The following TBX15 variants were observed in gnomAD, a reference collection of about 807,000 sequenced individuals.
The protein encoded by TBX15 is T-box transcription factor 15.
In TBX15, 18 loss-of-function variants were observed where a neutral mutation model predicts 53.9. That is an observed-to-expected ratio of 0.33 (90% CI 0.23 to 0.49). The LOEUF (loss-of-function observed/expected upper bound fraction) is 0.49. TBX15 is among the 20% of genes least tolerant of loss of function. The probability of loss-of-function intolerance (pLI) is 0.98; values close to 1 mark genes in which losing one functional copy is unlikely to be tolerated. For missense variants in TBX15, 692 were observed against 749.5 expected (o/e 0.92, Z 0.90); for synonymous variants, 295 against 278.0 (o/e 1.06, Z -0.61).
intron 1 of TBX15, among the ~76,000 whole-genome samples, chr1:118,964,826 C>T (rs1326684793): frequency 6.6e-6 from 1 of 152,130 alleles, no homozygotes; most frequent in Non-Finnish European, 1.5e-5. Flanking sequence ...TGGTTTGGGT[C>T]CCCCTCCAGG....
At chr1:118,929,913 T>C (rs780672624) in intron 2 of TBX15, among the ~76,000 whole-genome samples, 22 of 152,124 alleles carry the variant, frequency 1.4e-4, no homozygotes, top group Non-Finnish European at 2.5e-4. Context: ...CCAAAAACTT[T>C]AAAAAAATTT....
At chr1:118,921,273 C>T (rs535332486) in intron 5 of TBX15, among the ~76,000 whole-genome samples, 1 of 152,102 alleles carries the variant, frequency 6.6e-6, no homozygotes, top group Non-Finnish European at 1.5e-5. Flanking sequence ...TACAAAACAC[C>T]ATGTTCATAC....
chr1:118,969,710 T>C (rs1441030712), intron 1 of TBX15, among the ~76,000 whole-genome samples: 1 of 152,244 alleles, frequency 6.6e-6, no homozygotes, highest in Non-Finnish European at 1.5e-5. Flanking sequence ...AACCCACAAA[T>C]GTATCTTGAA....
intron 1 of TBX15, among the ~76,000 whole-genome samples, chr1:118,932,950 T>A (rs946208): frequency 0.2 from 31,148 of 152,006 alleles, 3,965 homozygotes; most frequent in East Asian, 0.54. Flanking sequence ...TGGAGTTAAA[T>A]ATATTCATGA....
At chr1:118,926,024 A>G (rs1056488214) in intron 3 of TBX15, among the ~76,000 whole-genome samples, 6 of 152,158 alleles carry the variant, frequency 3.9e-5, no homozygotes, top group Admixed American at 1.3e-4. Context: ...AACCCATATC[A>G]ATGAATAATA....
At chr1:118,885,926 A>C (rs1369386519) in intron 7 of TBX15, among the ~76,000 whole-genome samples, 1 of 152,182 alleles carries the variant, frequency 6.6e-6, no homozygotes, top group Admixed American at 6.5e-5. Flanking sequence ...TCCCATTCTT[A>C]ATGGAAATGC....
At chr1:118,952,453 T>C (rs1656546500) in intron 1 of TBX15, among the ~76,000 whole-genome samples, 1 of 152,204 alleles carries the variant, frequency 6.6e-6, no homozygotes, top group Non-Finnish European at 1.5e-5. Context: ...ACCAACCATG[T>C]CTTTAGATTC....
intron 1 of TBX15, among the ~76,000 whole-genome samples, chr1:118,984,440 TCCG>T (rs1557910685): frequency 6.6e-6 from 1 of 152,226 alleles, no homozygotes; most frequent in Non-Finnish European, 1.5e-5. Flanking sequence ...AGCTGAGGAC[TCCG>T]GGTGGAGCAG....
chr1:118,986,458 G>A (rs995717972), intron 1 of TBX15, among the ~76,000 whole-genome samples: 1 of 152,168 alleles, frequency 6.6e-6, no homozygotes, highest in Non-Finnish European at 1.5e-5. Flanking sequence ...CAGGTCACCC[G>A]CTAATCGCAT....
intron 7 of TBX15, among the ~76,000 whole-genome samples, chr1:118,890,478 C>T (rs899530380): frequency 6.6e-6 from 1 of 152,140 alleles, no homozygotes; most frequent in Non-Finnish European, 1.5e-5. Context: ...CACCAGCTCC[C>T]TTCATCCTAT....
At chr1:118,967,375 A>T (rs1321963970) in intron 1 of TBX15, among the ~76,000 whole-genome samples, 1 of 152,254 alleles carries the variant, frequency 6.6e-6, no homozygotes, top group Non-Finnish European at 1.5e-5. Flanking sequence ...TAGAAATGCT[A>T]TATAAAAATC....
chr1:118,919,697 A>G (rs1055643487), intron 5 of TBX15, among the ~76,000 whole-genome samples: 4 of 152,206 alleles, frequency 2.6e-5, no homozygotes, highest in Non-Finnish European at 4.4e-5. Context: ...GTGCTATGCA[A>G]TATAGGTCAG....
chr1:118,901,024 T>C (rs1215029080), intron 6 of TBX15, among the ~76,000 whole-genome samples: 2 of 152,216 alleles, frequency 1.3e-5, no homozygotes, highest in African/African-American at 4.8e-5. Flanking sequence ...CAGTTCATAA[T>C]GAAGTGCTGG....
At chr1:118,942,914 G>A (rs1656233934) in intron 1 of TBX15, among the ~76,000 whole-genome samples, 1 of 152,190 alleles carries the variant, frequency 6.6e-6, no homozygotes, top group Non-Finnish European at 1.5e-5. Context: ...AATGACTGCT[G>A]TGCTCACCAG....
chr1:118,968,257 C>T (rs1657119814), intron 1 of TBX15, among the ~76,000 whole-genome samples: 1 of 152,162 alleles, frequency 6.6e-6, no homozygotes, highest in African/African-American at 2.4e-5. Context: ...CTCTGTCACC[C>T]AGGCTGGAGT....
chr1:118,908,906 C>G (rs567952540), intron 6 of TBX15, among the ~76,000 whole-genome samples: 1 of 143,560 alleles, frequency 7.0e-6, no homozygotes, highest in Non-Finnish European at 1.5e-5. Context: ...CTTACACATA[C>G]GCACACTCAA....
At chr1:118,985,250 C>T (rs377751848) in intron 1 of TBX15, among the ~76,000 whole-genome samples, 3 of 152,152 alleles carry the variant, frequency 2.0e-5, no homozygotes, top group Non-Finnish European at 2.9e-5. Flanking sequence ...TGAGGCTCAC[C>T]CGGGAAGAGA....
At chr1:118,890,988 A>G in intron 7 of TBX15, 1 of 1,276,716 alleles carries the variant, frequency 7.8e-7, no homozygotes, top group Non-Finnish European at 1.0e-6. Context: ...TAAAAGGTAA[A>G]ATATCAGCAC....
At chr1:118,905,801 A>T (rs1654798079) in intron 6 of TBX15, among the ~76,000 whole-genome samples, 1 of 152,228 alleles carries the variant, frequency 6.6e-6, no homozygotes, top group Non-Finnish European at 1.5e-5. Context: ...AAAGTGAGAT[A>T]GACACTTGAG....
Sources: gnomAD v4.1 joint callset for allele counts (sites outside exome capture counted in the v4.1 genomes callset) on GRCh38, gnomAD v4.1.1 for gene constraint, MANE v1.5 for transcripts, NCBI Gene and HGNC (gene_info 2026-07-23, HGNC 2026-07-21) for gene names.